The following ADARB1 variants were observed in gnomAD, a reference collection of about 807,000 sequenced individuals.
The protein encoded by ADARB1 is adenosine deaminase RNA specific B1.
A neutral mutation model predicts 52.4 loss-of-function variants in ADARB1; 10 were observed. That is an observed-to-expected ratio of 0.19 (90% CI 0.12 to 0.32). The LOEUF (loss-of-function observed/expected upper bound fraction) is 0.32, where lower values mean the gene tolerates loss of function less well. Ranked by LOEUF, ADARB1 falls within the 10% of genes least tolerant of loss-of-function variation. The pLI is 1.00. For synonymous variants in ADARB1, 349 were observed against 371.1 expected (o/e 0.94, Z 0.68); for missense variants, 643 against 922.3 (o/e 0.70, Z 3.92).
chr21:45,111,476 G>A (rs995449300), intron 1 of ADARB1, among the ~76,000 whole-genome samples: 6 of 152,064 alleles, frequency 3.9e-5, no homozygotes, highest in Admixed American at 1.3e-4. Flanking sequence ...TCATTACCCA[G>A]AGTTCATGGT....
At chr21:45,195,589 A>G (rs2092406468) in intron 8 of ADARB1, among the ~76,000 whole-genome samples, 1 of 151,772 alleles carries the variant, frequency 6.6e-6, no homozygotes, top group African/African-American at 2.4e-5. Context: ...TGAAGGGTGT[A>G]AAACCTATGC....
intron 1 of ADARB1, among the ~76,000 whole-genome samples, chr21:45,094,582 C>A (rs1008070724): frequency 2.6e-5 from 4 of 152,138 alleles, no homozygotes; most frequent in African/African-American, 9.7e-5. Flanking sequence ...ACTATGTCTG[C>A]TTGTGTTTCT....
intron 2 of ADARB1, among the ~76,000 whole-genome samples, chr21:45,141,095 G>A (rs2089696284): frequency 6.6e-6 from 1 of 152,168 alleles, no homozygotes; most frequent in African/African-American, 2.4e-5. Flanking sequence ...CTACTCGAGA[G>A]GCTGAGGTGG....
rs968216038 is a variant in ADARB1 at position 45,224,252 on chromosome 21, C to T, written c.*2055C>T. 7.1e-6 allele frequency: 7 copies of T among 985,408 alleles called. No individual in the cohort carries two copies. Among genetic ancestry groups the T allele is most frequent in the South Asian group, 4.7e-5 (1 of 21,282 alleles). 61.0% of individuals were successfully genotyped at this position (985,408 alleles called of 1,614,324 possible). A position where few individuals can be genotyped will look rare whatever the true frequency, so the allele number is the denominator to read the frequency against. On this transcript the variant is annotated 3_prime_UTR_variant, in exon 11 of 11. Transcript: ENST00000348831. The stretch of plus-strand genomic sequence containing the variant: ...TATTCCATATACATACAAAACTACC[C>T]GGTATGTCTGGCTTTTCCCTTCTGT...
At chr21:45,158,453 A>G (rs2090784078) in intron 2 of ADARB1, among the ~76,000 whole-genome samples, 1 of 152,186 alleles carries the variant, frequency 6.6e-6, no homozygotes, top group African/African-American at 2.4e-5. Flanking sequence ...AATATATAGT[A>G]TGTTGTAGTA....
intron 9 of ADARB1, among the ~76,000 whole-genome samples, chr21:45,209,577 A>G (rs1416851734): frequency 6.6e-6 from 1 of 152,200 alleles, no homozygotes; most frequent in Non-Finnish European, 1.5e-5. Flanking sequence ...GGACACGTCA[A>G]GACCTCCATG....
At chr21:45,144,581 C>T (rs1007276194) in intron 2 of ADARB1, 71 of 436,628 alleles carry the variant, frequency 1.6e-4, no homozygotes, top group Non-Finnish European at 2.2e-4. Flanking sequence ...TTTCTGGATT[C>T]TCATGAATCA....
intron 8 of ADARB1, among the ~76,000 whole-genome samples, chr21:45,186,017 C>T (rs1298592674): frequency 2.6e-5 from 4 of 152,274 alleles, no homozygotes; most frequent in Non-Finnish European, 5.9e-5. Flanking sequence ...CCATTGCCCA[C>T]AGCCCAGGTG....
In ADARB1 at chr21:45,222,109, C is replaced by T. The variant is rs748901930; in HGVS notation, c.2018C>T (p.Ala673Val). Residue 673 changes from alanine (A) to valine (V), a missense_variant, in exon 11 of 11, where the codon GCG becomes GTG. Ala to Val is a moderately conservative substitution (Grantham distance 64). This residue lies in a region of ADARB1 where 263 missense variants were observed against 475.8 expected (regional missense o/e 0.55). Transcript: ENST00000348831. ...LAAKEYQAAK[A>V]RLFTAFIKAG... ...GCAAAGGAGTACCAGGCCGCCAAGG[C>T]GCGTCTGTTCACAGCCTTCATCAAG... 3 of 1,613,074 alleles carry T rather than the reference C, an allele frequency of 1.9e-6. No individual in the cohort carries two copies. The highest frequency in any genetic ancestry group is 1.7e-5 in the Admixed American group (1 of 59,980).
chr21:45,123,137 A>G (rs768508150), intron 1 of ADARB1, among the ~76,000 whole-genome samples: 24 of 152,144 alleles, frequency 1.6e-4, no homozygotes, highest in Non-Finnish European at 3.4e-4. Flanking sequence ...GGACACATAT[A>G]TAAGAGAATA....
chr21:45,190,761 G>A lies in ADARB1; in HGVS notation c.1565+5670G>A, dbSNP rs113066175. On this transcript the variant is annotated intron_variant, in intron 8 of 10. Transcript: ENST00000348831. ...AAACTCTGGCACCAGTCTCATCACCGAGTCTGATGAGACTCAGGCAAGACA... is the reference window on the plus strand; with the variant it reads ...AAACTCTGGCACCAGTCTCATCACCAAGTCTGATGAGACTCAGGCAAGACA... 2.6e-3 allele frequency among the ~76,000 whole-genome samples: 397 copies of A among 152,290 alleles called. 3 individuals carry two copies. Among genetic ancestry groups the A allele is most frequent in the African/African-American group, 9.2e-3 (382 of 41,548 alleles).
intron 8 of ADARB1, among the ~76,000 whole-genome samples, chr21:45,198,872 A>T (rs960964619): frequency 6.6e-6 from 1 of 151,590 alleles, no homozygotes; most frequent in African/African-American, 2.4e-5. Context: ...AGCTTCATTA[A>T]TTCCTCTTAA....
At chr21:45,110,040 A>C (rs1448111879) in intron 1 of ADARB1, among the ~76,000 whole-genome samples, 1 of 152,052 alleles carries the variant, frequency 6.6e-6, no homozygotes, top group African/African-American at 2.4e-5. Flanking sequence ...AAAAATTCTG[A>C]CCACTTTTAT....
chr21:45,108,504 A>G (rs575290254), intron 1 of ADARB1, among the ~76,000 whole-genome samples: 31 of 152,324 alleles, frequency 2.0e-4, no homozygotes, highest in Non-Finnish European at 3.7e-4. Context: ...AAGCAGCACT[A>G]ACTCTCCCTA....
At chr21:45,207,794 T>C (rs2092695122) in intron 9 of ADARB1, among the ~76,000 whole-genome samples, 1 of 152,160 alleles carries the variant, frequency 6.6e-6, no homozygotes, top group Non-Finnish European at 1.5e-5. Flanking sequence ...GTAGTGTCTT[T>C]AGGGAGGAAC....
chr21:45,121,066 T>C (rs2088149488), intron 1 of ADARB1: 1 of 152,222 alleles, frequency 6.6e-6, no homozygotes, highest in South Asian at 2.1e-4. Context: ...TAAAAGCCGC[T>C]GATAGTTCAT....
At chr21:45,191,880 A>ATTTTTTTT (rs777269104) in intron 8 of ADARB1, among the ~76,000 whole-genome samples, 1 of 15,742 alleles carries the variant, frequency 6.4e-5, no homozygotes, top group Admixed American at 6.7e-4. Flanking sequence ...ATATATATAT[A>ATTTTTTTT]TTTTTTTTTT....
At chr21:45,173,810 G>A (rs2091582055) in intron 3 of ADARB1, among the ~76,000 whole-genome samples, 2 of 151,794 alleles carry the variant, frequency 1.3e-5, no homozygotes, top group Admixed American at 6.6e-5. Flanking sequence ...TGAAAATTTA[G>A]TGTCCATTCC....
chr21:45,187,506 T>C (rs1446089880), intron 8 of ADARB1, among the ~76,000 whole-genome samples: 1 of 152,226 alleles, frequency 6.6e-6, no homozygotes. Context: ...TTATTTCTTT[T>C]TCATGCCTAC....
Sources: allele counts gnomAD v4.1 joint callset (sites outside exome capture counted in the v4.1 genomes callset), GRCh38; gene constraint gnomAD v4.1.1; regional missense constraint gnomAD v4.1.1; transcripts MANE v1.5; gene names NCBI Gene and HGNC (gene_info 2026-07-23, HGNC 2026-07-21).